HECA: variants seen among roughly 807,000 people sequenced by gnomAD.
The protein encoded by HECA is headcase protein homolog.
In HECA, 13 loss-of-function variants were observed where a neutral mutation model predicts 37.6. The ratio of observed to expected loss-of-function variants is 0.35; its 90% confidence interval spans 0.23 to 0.55. HECA has a LOEUF of 0.55. HECA is among the 20% of genes least tolerant of loss of function. The pLI is 0.90. For synonymous variants in HECA, 307 were observed against 291.5 expected (o/e 1.05, Z -0.54); for missense variants, 527 against 701.9 (o/e 0.75, Z 2.82).
At chr6:139,168,788 A>G (rs557423234) in intron 2 of HECA, among the ~76,000 whole-genome samples, 3 of 152,296 alleles carry the variant, frequency 2.0e-5, no homozygotes, top group South Asian at 4.1e-4. Flanking sequence ...GAGACTTTCA[A>G]CGTCTGAGAA....
At chr6:139,150,943 T>C (rs1240759236) in intron 1 of HECA, 1 of 152,248 alleles carries the variant, frequency 6.6e-6, no homozygotes, top group Non-Finnish European at 1.5e-5. Flanking sequence ...CAAGTTAGTA[T>C]ATGTGAACTG....
At chr6:139,175,488 T>C (rs144228076) in intron 3 of HECA, among the ~76,000 whole-genome samples, 86 of 152,328 alleles carry the variant, frequency 5.6e-4, no homozygotes, top group African/African-American at 2.1e-3. Flanking sequence ...ATGCCAGCTC[T>C]TGAGAGAAAC....
chr6:139,147,043 G>A (rs1774593426), intron 1 of HECA, among the ~76,000 whole-genome samples: 1 of 152,146 alleles, frequency 6.6e-6, no homozygotes, highest in South Asian at 2.1e-4. Context: ...GTGTTTAGTA[G>A]GAGTCAGGTG....
Position 139,135,299 on chromosome 6 carries a change from C to A in HECA, c.-98C>A. ...GAACCGCCGGCTCGCGCCCTCCGTT[C>A]TTTCCCGGAGCCGGCTTCACGCAGG... is the stretch of plus-strand genomic sequence containing the variant. On this transcript the variant is annotated 5_prime_UTR_variant, in exon 1 of 4. Transcript: ENST00000367658. 2 of 1,020,936 alleles carry A rather than the reference C, an allele frequency of 2.0e-6. No individual in the cohort carries two copies. Among genetic ancestry groups the A allele is most frequent in the South Asian group, 5.7e-5 (2 of 35,152 alleles). The allele number at this position is 1,020,936 out of a possible 1,614,324, so 63.2% of individuals were successfully genotyped here.
Position 139,180,621 on chromosome 6 carries a change from T to G in HECA, c.*3516T>G, listed in dbSNP as rs1775122063. On this transcript the variant is annotated 3_prime_UTR_variant, in exon 4 of 4. Transcript: ENST00000367658. ...CATTAAAACCAGCTCAAAAATAAAT[T>G]CTTGTCAGTAAAGATTTCTTGTCAA... 1 of 152,614 alleles carries G rather than the reference T, an allele frequency of 6.6e-6. No homozygotes were observed. Among genetic ancestry groups the G allele is most frequent in the East Asian group, 1.9e-4 (1 of 5,200 alleles). 9.5% of individuals were successfully genotyped at this position (152,614 alleles called of 1,614,324 possible). A position where few individuals can be genotyped will look rare whatever the true frequency, so the allele number is the denominator to read the frequency against.
rs541041081 is a variant in HECA at position 139,137,080 on chromosome 6, T to C, written c.271+1413T>C. ...TGAAATAGGAAGATTTATTTATTTA[T>C]TTTCAGAAACAAACTTACCCCGTTT... On this transcript the variant is annotated intron_variant, in intron 1 of 3. Coordinates refer to ENST00000367658, the MANE Select transcript of HECA (RefSeq NM_016217.3). 1.4e-3 allele frequency among the ~76,000 whole-genome samples: 211 copies of C among 152,360 alleles called. 6 individuals are homozygous for C. The South Asian group carries it at 0.041, about 30-fold the overall frequency.
At chr6:139,164,806 C>T (rs986995153) in intron 1 of HECA, among the ~76,000 whole-genome samples, 2 of 151,212 alleles carry the variant, frequency 1.3e-5, no homozygotes, top group Non-Finnish European at 3.0e-5. Flanking sequence ...CCCCCCACCG[C>T]TCATACAACC....
At chr6:139,170,082 G>GT (rs926816933) in intron 2 of HECA, 2 of 152,134 alleles carry the variant, frequency 1.3e-5, no homozygotes, top group Non-Finnish European at 2.9e-5. Context: ...TGGAGTTTGT[G>GT]TTTTTGTTTT....
At chr6:139,142,415 G>A (rs1237658497) in intron 1 of HECA, among the ~76,000 whole-genome samples, 2 of 152,216 alleles carry the variant, frequency 1.3e-5, no homozygotes, top group Non-Finnish European at 2.9e-5. Context: ...CTGACAGATT[G>A]CCCTATTGAA....
At chr6:139,143,188 C>T (rs2114437613) in intron 1 of HECA, among the ~76,000 whole-genome samples, 1 of 152,248 alleles carries the variant, frequency 6.6e-6, no homozygotes, top group South Asian at 2.1e-4. Context: ...CCTTTCTCAG[C>T]CTCTGTTTTC....
intron 1 of HECA, among the ~76,000 whole-genome samples, chr6:139,142,420 A>G (rs1305234742): frequency 6.6e-6 from 1 of 152,092 alleles, no homozygotes; most frequent in Non-Finnish European, 1.5e-5. Context: ...AGATTGCCCT[A>G]TTGAAAGGTT....
chr6:139,146,743 G>A (rs987169176), intron 1 of HECA, among the ~76,000 whole-genome samples: 2 of 152,232 alleles, frequency 1.3e-5, no homozygotes, highest in South Asian at 4.1e-4. Flanking sequence ...GTACATGCCT[G>A]AAAACATAGG....
chr6:139,158,502 C>CAAA (rs34211036), intron 1 of HECA, among the ~76,000 whole-genome samples: 1 of 130,774 alleles, frequency 7.6e-6, no homozygotes, highest in South Asian at 2.6e-4. Flanking sequence ...GATTCCATCT[C>CAAA]AAAAAAAAAA....
At chr6:139,165,469 T>C (rs1774870252) in intron 1 of HECA, among the ~76,000 whole-genome samples, 1 of 152,186 alleles carries the variant, frequency 6.6e-6, no homozygotes. Context: ...ATCCTGTGGA[T>C]TTTGACAAAT....
Position 139,161,514 on chromosome 6 carries a change from C to T in HECA, c.272-4770C>T, listed in dbSNP as rs116167350. 7.3e-3 allele frequency among the ~76,000 whole-genome samples: 1,106 copies of T among 152,290 alleles called. 11 individuals are homozygous for T. The highest frequency in any genetic ancestry group is 0.025 in the African/African-American group (1,030 of 41,558). ...ACCTTGTCTGTGTTCCATGTGTGCA[C>T]TTCTGTTAGACCATTAGAGCTCTTA... On this transcript the variant is annotated intron_variant, in intron 1 of 3. Coordinates refer to ENST00000367658, the MANE Select transcript of HECA (RefSeq NM_016217.3).
At chr6:139,140,153 A>T (rs1774496359) in intron 1 of HECA, among the ~76,000 whole-genome samples, 1 of 152,206 alleles carries the variant, frequency 6.6e-6, no homozygotes, top group African/African-American at 2.4e-5. Flanking sequence ...TATATTTTAA[A>T]TAGTTTCTTT....
chr6:139,174,677 C>A, intron 3 of HECA, 138 bp downstream of exon 3: 3 of 1,237,900 alleles, frequency 2.4e-6, no homozygotes, highest in African/African-American at 1.5e-5. Context: ...GTAATGTAGT[C>A]ATTTAGTGGA....
At chr6:139,168,230 CTG>C (rs966086070) in intron 2 of HECA, among the ~76,000 whole-genome samples, 2 of 152,134 alleles carry the variant, frequency 1.3e-5, no homozygotes, top group Non-Finnish European at 1.5e-5. Context: ...AGGTGGATGA[CTG>C]TGCATCCCCC....
chr6:139,141,026 G>T (rs1383808534), intron 1 of HECA, among the ~76,000 whole-genome samples: 1 of 152,168 alleles, frequency 6.6e-6, no homozygotes, highest in Non-Finnish European at 1.5e-5. Flanking sequence ...TCCTGACATC[G>T]AGATCCGCCC....
Sources: allele counts gnomAD v4.1 joint callset (sites outside exome capture counted in the v4.1 genomes callset), GRCh38; gene constraint gnomAD v4.1.1; transcripts MANE v1.5; gene names NCBI Gene and HGNC (gene_info 2026-07-23, HGNC 2026-07-21).